The following FAM169A variants were observed in gnomAD, a reference collection of about 807,000 sequenced individuals.
FAM169A encodes family with sequence similarity 169 member A, also known as soluble lamin-associated protein of 75 kDa.
A neutral mutation model predicts 75.7 loss-of-function variants in FAM169A; 24 were observed. The observed-to-expected ratio is 0.32, with a 90% CI of 0.23 to 0.45. The LOEUF is 0.45. Among genes scored for constraint, FAM169A ranks in the 20% least tolerant of loss-of-function variants. The probability of loss-of-function intolerance (pLI) is 1.00; values close to 1 mark genes in which losing one functional copy is unlikely to be tolerated. For synonymous variants in FAM169A, 271 were observed against 271.0 expected (o/e 1.00, Z 0.00); for missense variants, 673 against 784.0 (o/e 0.86, Z 1.69).
intron 1 of FAM169A, among the ~76,000 whole-genome samples, chr5:74,857,008 C>A (rs1462389024): frequency 6.7e-6 from 1 of 149,512 alleles, no homozygotes; most frequent in East Asian, 2.0e-4. Context: ...ACTCGGGAGG[C>A]TGAGGCAGGA....
intron 5 of FAM169A, among the ~76,000 whole-genome samples, chr5:74,833,334 A>C (rs539727773): frequency 1.7e-4 from 26 of 152,324 alleles, no homozygotes; most frequent in African/African-American, 6.0e-4. Context: ...TTTCCATTGA[A>C]AACTCTTTCT....
At chr5:74,853,571 T>G (rs896903480) in intron 1 of FAM169A, among the ~76,000 whole-genome samples, 4 of 152,198 alleles carry the variant, frequency 2.6e-5, no homozygotes, top group Non-Finnish European at 5.9e-5. Context: ...ATGATGTATC[T>G]AAGTGTAATA....
intron 1 of FAM169A, among the ~76,000 whole-genome samples, chr5:74,845,084 A>G (rs940565423): frequency 1.3e-5 from 2 of 152,216 alleles, no homozygotes; most frequent in Admixed American, 6.5e-5. Flanking sequence ...AAATCCAGAG[A>G]AACACCAAAA....
At chr5:74,799,903 G>A in intron 10 of FAM169A, 1 of 936,158 alleles carries the variant, frequency 1.1e-6, no homozygotes, top group South Asian at 1.3e-5. Context: ...GAATGCTTCT[G>A]CAACACGGAC....
intron 1 of FAM169A, among the ~76,000 whole-genome samples, chr5:74,863,023 TAAA>T (rs10634527): frequency 3.2e-5 from 4 of 126,614 alleles, no homozygotes; most frequent in Non-Finnish European, 3.2e-5. Flanking sequence ...TGTATTCATT[TAAA>T]AAAAAAAAAA....
At chr5:74,827,467 GAATA>G (rs1158424991) in intron 5 of FAM169A, among the ~76,000 whole-genome samples, 1 of 151,718 alleles carries the variant, frequency 6.6e-6, no homozygotes, top group Non-Finnish European at 1.5e-5. Context: ...TTCTCTACAA[GAATA>G]TATTTGTATA....
intron 6 of FAM169A, among the ~76,000 whole-genome samples, chr5:74,809,340 ATCTC>A (rs1404408935): frequency 2.6e-5 from 4 of 152,114 alleles, no homozygotes; most frequent in Non-Finnish European, 5.9e-5. Flanking sequence ...CACGCCTGTA[ATCTC>A]AGCACTTTGG....
chr5:74,824,732 C>CAT (rs1431117623), intron 5 of FAM169A, among the ~76,000 whole-genome samples: 12 of 151,412 alleles, frequency 7.9e-5, no homozygotes, highest in Admixed American at 1.3e-4. Flanking sequence ...CACACACATA[C>CAT]ACACACACAA....
chr5:74,799,265 T>C (rs1447383251), intron 10 of FAM169A: 3 of 1,530,688 alleles, frequency 2.0e-6, no homozygotes, highest in Non-Finnish European at 2.7e-6. Context: ...CCAACACTGA[T>C]GATCCTGAGA....
chr5:74,807,673 T>A (rs1746960105), intron 6 of FAM169A, among the ~76,000 whole-genome samples: 2 of 152,132 alleles, frequency 1.3e-5, no homozygotes, highest in South Asian at 4.1e-4. Flanking sequence ...ATGAATAAAC[T>A]GTAATATGTA....
chr5:74,818,180 T>C (rs913498838), intron 5 of FAM169A, among the ~76,000 whole-genome samples: 1 of 152,096 alleles, frequency 6.6e-6, no homozygotes, highest in Non-Finnish European at 1.5e-5. Flanking sequence ...AATTAAAAAC[T>C]TCTGGGCTTC....
At chr5:74,852,438 T>C (rs1301325572) in intron 1 of FAM169A, among the ~76,000 whole-genome samples, 1 of 152,172 alleles carries the variant, frequency 6.6e-6, no homozygotes. Flanking sequence ...CAAGAGACAG[T>C]AGTCTTATCT....
intron 1 of FAM169A, among the ~76,000 whole-genome samples, chr5:74,845,161 TATG>T (rs1007146062): frequency 1.3e-5 from 2 of 152,180 alleles, no homozygotes; most frequent in Non-Finnish European, 2.9e-5. Flanking sequence ...ATTTTCAAGA[TATG>T]ATGATGATAA....
chr5:74,840,615 G>T (rs1432000051), intron 2 of FAM169A, among the ~76,000 whole-genome samples: 1 of 151,010 alleles, frequency 6.6e-6, no homozygotes, highest in Non-Finnish European at 1.5e-5. Flanking sequence ...GGATCACAAG[G>T]TCAGGAGATC....
rs1749329849 is a variant in FAM169A, at chr5:74,849,510, AATT to A, written c.-3-7834_-3-7832del. On this transcript the variant is annotated intron_variant, in intron 1 of 12. Coordinates refer to ENST00000687041, the MANE Select transcript of FAM169A (RefSeq NM_001376049.1). Reference sequence around the variant, plus strand: ...TGAAAGAATTCTCAGGGAAAAAAATAATTATCTCAACCAATCCAATTCATGATC... The same window carrying A: ...TGAAAGAATTCTCAGGGAAAAAAATAATCTCAACCAATCCAATTCATGATC... Among the ~76,000 whole-genome samples, 7 of 152,250 alleles carry A rather than the reference AATT, an allele frequency of 4.6e-5. No individual in the cohort carries two copies. The South Asian group carries it at 1.5e-3, about 32-fold the overall frequency.
At chr5:74,806,543 T>C (rs1398709784) in intron 6 of FAM169A, among the ~76,000 whole-genome samples, 2 of 152,156 alleles carry the variant, frequency 1.3e-5, no homozygotes, top group Non-Finnish European at 2.9e-5. Flanking sequence ...TCTATTAAGA[T>C]TTAAAACCTA....
chr5:74,784,611 A>ATT (rs1368778072), intron 11 of FAM169A, among the ~76,000 whole-genome samples: 243 of 117,698 alleles, frequency 2.1e-3, no homozygotes, highest in African/African-American at 7.4e-3. Flanking sequence ...CCAGGCTAAA[A>ATT]AAAAAAAAAA....
chr5:74,786,308 T>C, intron 11 of FAM169A, among the ~76,000 whole-genome samples: 1 of 152,174 alleles, frequency 6.6e-6, no homozygotes, highest in East Asian at 1.9e-4. Flanking sequence ...TAGAGAACCC[T>C]AACAGGCTTT....
At chr5:74,848,910 G>C (rs1749298621) in intron 1 of FAM169A, 1 of 152,018 alleles carries the variant, frequency 6.6e-6, no homozygotes, top group South Asian at 2.1e-4. Flanking sequence ...TCTGTTCTAT[G>C]TTATGTAACT....
Sources: allele counts gnomAD v4.1 joint callset (sites outside exome capture counted in the v4.1 genomes callset), GRCh38; gene constraint gnomAD v4.1.1; transcripts MANE v1.5; gene names NCBI Gene and HGNC (gene_info 2026-07-23, HGNC 2026-07-21).